ITPR2: variants seen among roughly 807,000 people sequenced by gnomAD.
The protein encoded by ITPR2 is inositol 1,4,5-trisphosphate receptor type 2.
ITPR2 carries 207 observed loss-of-function variants against 317.1 expected under a neutral mutation model. The ratio of observed to expected loss-of-function variants is 0.65; its 90% confidence interval spans 0.58 to 0.73. ITPR2 has a LOEUF of 0.73. Among genes scored for constraint, ITPR2 ranks in the 30% least tolerant of loss-of-function variants. The probability of loss-of-function intolerance (pLI) is 0.00; values close to 1 mark genes in which losing one functional copy is unlikely to be tolerated. For synonymous variants in ITPR2, 1,156 were observed against 1,149.1 expected, an observed-to-expected ratio of 1.01 and a Z score of -0.12; for missense variants, 2,613 against 3,284.0, an observed-to-expected ratio of 0.80 and a Z score of 4.99.
intron 2 of ITPR2, among the ~76,000 whole-genome samples, chr12:26,754,732 C>T (rs947868576): frequency 6.6e-6 from 1 of 152,012 alleles, no homozygotes; most frequent in African/African-American, 2.4e-5. Flanking sequence ...AACATATTGG[C>T]TAAAGTTAAA....
At chr12:26,516,515 A>G (rs912273769) in intron 37 of ITPR2, among the ~76,000 whole-genome samples, 5 of 152,048 alleles carry the variant, frequency 3.3e-5, no homozygotes, top group African/African-American at 1.2e-4. Context: ...CTGAAAGAAT[A>G]TATATAAGGA....
intron 5 of ITPR2, among the ~76,000 whole-genome samples, chr12:26,720,485 C>A (rs570980907): frequency 1.7e-4 from 26 of 152,242 alleles, no homozygotes; most frequent in African/African-American, 6.0e-4. Flanking sequence ...TAGAAATACG[C>A]TACCTATTTT....
At chr12:26,403,999 G>C (rs1156976979) in intron 52 of ITPR2, among the ~76,000 whole-genome samples, 3 of 152,160 alleles carry the variant, frequency 2.0e-5, no homozygotes, top group African/African-American at 7.2e-5. Context: ...GTTGGGGTAG[G>C]GGAGGAAATA....
chr12:26,595,000 A>T lies in ITPR2; in HGVS notation c.4380+465T>A, dbSNP rs1232420862. On this transcript the variant is annotated intron_variant, in intron 32 of 56. Transcript: ENST00000381340. ...TTAAATTACTGGAGTACACTTCCAA[A>T]GAAGATTTTGAATAGGCAACAGCGA... 2.6e-5 allele frequency among the ~76,000 whole-genome samples: 4 copies of T among 152,352 alleles called. No individual in the cohort carries two copies. The South Asian group carries it at 8.3e-4, about 32-fold the overall frequency.
At chr12:26,690,783 A>G (rs1358118796) in intron 10 of ITPR2, among the ~76,000 whole-genome samples, 2 of 152,182 alleles carry the variant, frequency 1.3e-5, no homozygotes, top group East Asian at 1.9e-4. Flanking sequence ...ACTGTCTTCC[A>G]AACACAGAAA....
At chr12:26,730,236 C>T (rs1287905655) in intron 2 of ITPR2, among the ~76,000 whole-genome samples, 2 of 152,164 alleles carry the variant, frequency 1.3e-5, no homozygotes, top group African/African-American at 2.4e-5. Context: ...CAGACGCCAT[C>T]ACTAACATCA....
Position 26,833,032 on chromosome 12 carries a change from C to A in ITPR2, c.-251G>T. On this transcript the variant is annotated 5_prime_UTR_variant, in exon 1 of 57. Transcript: ENST00000381340. ...GCGCAGCCCAGGCGCCCAGAGAAGCCGCAGCCGCCGCCGCCTCCCCGGCAG... is the reference window on the plus strand; with the variant it reads ...GCGCAGCCCAGGCGCCCAGAGAAGCAGCAGCCGCCGCCGCCTCCCCGGCAG... 1 of 467,620 alleles carries A rather than the reference C, an allele frequency of 2.1e-6. No individual in the cohort carries two copies. 29.0% of individuals were successfully genotyped at this position (467,620 alleles called of 1,614,324 possible).
At chr12:26,817,687 AC>A (rs1302323484) in intron 1 of ITPR2, among the ~76,000 whole-genome samples, 2 of 152,182 alleles carry the variant, frequency 1.3e-5, no homozygotes, top group Non-Finnish European at 2.9e-5. Context: ...GCTCTTGTCT[AC>A]CCACCTAGTT....
At chr12:26,492,697 CAA>C (rs892435660) in intron 39 of ITPR2, among the ~76,000 whole-genome samples, 2 of 152,076 alleles carry the variant, frequency 1.3e-5, no homozygotes, top group African/African-American at 4.8e-5. Context: ...GAACATTGGT[CAA>C]AGAGTCCAGT....
At chr12:26,433,991 G>A (rs1354336650) in intron 48 of ITPR2, among the ~76,000 whole-genome samples, 2 of 151,660 alleles carry the variant, frequency 1.3e-5, no homozygotes, top group Non-Finnish European at 2.9e-5. Flanking sequence ...AAATATATAG[G>A]GTAAATTAAA....
chr12:26,383,549 T>C (rs918749834), intron 55 of ITPR2, among the ~76,000 whole-genome samples: 1 of 152,096 alleles, frequency 6.6e-6, no homozygotes, highest in Non-Finnish European at 1.5e-5. Flanking sequence ...AGTGGCGTGA[T>C]CTCGGCTTAC....
intron 55 of ITPR2, among the ~76,000 whole-genome samples, chr12:26,350,461 C>G (rs148235220): frequency 1.5e-4 from 23 of 152,246 alleles, no homozygotes; most frequent in Middle Eastern, 6.8e-3. Context: ...GGCTGCATGC[C>G]AGATGGTGGC....
intron 26 of ITPR2, among the ~76,000 whole-genome samples, chr12:26,619,104 C>T (rs535344539): frequency 6.6e-6 from 1 of 152,172 alleles, no homozygotes. Flanking sequence ...TTTCCAGCTA[C>T]AGAAGTTTGC....
chr12:26,699,625 A>G (rs1238792489), intron 9 of ITPR2, among the ~76,000 whole-genome samples: 1 of 152,208 alleles, frequency 6.6e-6, no homozygotes, highest in Non-Finnish European at 1.5e-5. Context: ...TAAACTCAAT[A>G]AAGTATAATA....
At chr12:26,710,635 T>G (rs560550121) in intron 9 of ITPR2, among the ~76,000 whole-genome samples, 1 of 152,242 alleles carries the variant, frequency 6.6e-6, no homozygotes, top group Non-Finnish European at 1.5e-5. Flanking sequence ...TCTTCTGACA[T>G]CCTTCATATC....
chr12:26,533,147 A>G lies in ITPR2; in HGVS notation c.5073+17100T>C, dbSNP rs539682647. On this transcript the variant is annotated intron_variant, in intron 37 of 56. Coordinates refer to ENST00000381340, the MANE Select transcript of ITPR2 (RefSeq NM_002223.4). ...CCCAAAGCTAAAAACTGCCACAAAC[A>G]CAGTGCTATCAAATTTTCAAATTTT... 3.9e-5 allele frequency among the ~76,000 whole-genome samples: 6 copies of G among 152,322 alleles called. No individual in the cohort carries two copies. The South Asian group carries it at 1.2e-3, about 32-fold the overall frequency.
rs1253598170 is a variant in ITPR2, at chr12:26,556,774, A to C, written c.4822-399T>G. On this transcript the variant is annotated intron_variant, in intron 35 of 56. Coordinates refer to ENST00000381340, the MANE Select transcript of ITPR2 (RefSeq NM_002223.4). ...AGGGGAATACCCAGGGAACAGCTTA[A>C]AAAAAAAAAAAAAAAAAATTCCAGC... 1.6e-4 allele frequency among the ~76,000 whole-genome samples: 8 copies of C among 50,022 alleles called. No individual in the cohort carries two copies. In the South Asian group the frequency reaches 3.4e-3, roughly 21 times the overall value. The allele number at this position is 50,022 out of a possible 152,430, so 32.8% of individuals were successfully genotyped here.
intron 52 of ITPR2, chr12:26,400,748 C>T (rs760931212): frequency 4.6e-5 from 7 of 152,368 alleles, no homozygotes; most frequent in Non-Finnish European, 4.4e-5. Flanking sequence ...AACCTGGAAA[C>T]ACAGCCACGT....
intron 1 of ITPR2, among the ~76,000 whole-genome samples, chr12:26,826,312 T>G (rs1397496943): frequency 6.6e-6 from 1 of 152,002 alleles, no homozygotes; most frequent in Non-Finnish European, 1.5e-5. Context: ...AAATCAAATC[T>G]ACAACTATTT....
Sources: gnomAD v4.1 joint callset for allele counts (sites outside exome capture counted in the v4.1 genomes callset) on GRCh38, gnomAD v4.1.1 for gene constraint, MANE v1.5 for transcripts, NCBI Gene and HGNC (gene_info 2026-07-23, HGNC 2026-07-21) for gene names.